Variants in RASSF3 observed in about 807,000 individuals in gnomAD.
RASSF3 encodes the protein ras association domain-containing protein 3.
In RASSF3, 19 loss-of-function variants were observed where a neutral mutation model predicts 19.9. The ratio of observed to expected loss-of-function variants is 0.96; its 90% CI spans 0.67 to 1.40. The LOEUF (loss-of-function observed/expected upper bound fraction) is 1.40. Among genes scored for constraint, RASSF3 ranks in the 40% most tolerant of loss-of-function variants. The probability of loss-of-function intolerance (pLI) is 0.00; values close to 1 mark genes in which losing one functional copy is unlikely to be tolerated. For missense variants in RASSF3, 306 were observed against 289.8 expected (o/e 1.06, Z -0.41); for synonymous variants, 110 against 104.2 (o/e 1.06, Z -0.34).
intron 1 of RASSF3, chr12:64,541,568 C>G: frequency 2.5e-6 from 1 of 398,576 alleles, no homozygotes; most frequent in Non-Finnish European, 4.4e-6. Context: ...ACCTAACGTG[C>G]TTTCTCTTTC....
chr12:64,628,995 C>T (rs548851412), intron 1 of RASSF3, among the ~76,000 whole-genome samples: 106 of 152,052 alleles, frequency 7.0e-4, no homozygotes, highest in African/African-American at 2.4e-3. Context: ...AGTGCAGTGG[C>T]GTGAACACAG....
intron 2 of RASSF3, among the ~76,000 whole-genome samples, chr12:64,558,770 C>T (rs529229546): frequency 1.3e-5 from 2 of 152,232 alleles, no homozygotes; most frequent in Admixed American, 6.5e-5. Context: ...CCTAGGGACC[C>T]GGCCACCCCT....
At position 64,685,921 on chromosome 12, in the gene RASSF3, G is replaced by A. The variant is rs190742089; in HGVS notation, c.219+1027G>A. On this transcript the variant is annotated intron_variant, in intron 2 of 4. Transcript: ENST00000542104. ...CAGTTTCCAGGGCACTTGGATCCCC[G>A]TCTCTCAGTCTGTTTACTGTGAACT... is the stretch of plus-strand genomic sequence containing the variant. Among the ~76,000 whole-genome samples the A allele has an allele frequency of 1.3e-3, 202 of 152,242 alleles. 1 individual carries two copies. Among genetic ancestry groups the A allele is most frequent in the African/African-American group, 4.1e-3 (171 of 41,554 alleles).
At chr12:64,585,668 A>G (rs1480916419) in intron 2 of RASSF3, among the ~76,000 whole-genome samples, 1 of 149,920 alleles carries the variant, frequency 6.7e-6, no homozygotes, top group Non-Finnish European at 1.5e-5. Flanking sequence ...GCAGTGGCAT[A>G]ATCACGGCTC....
At chr12:64,510,872 C>T (rs1262536009) in intron 1 of RASSF3, among the ~76,000 whole-genome samples, 1 of 152,142 alleles carries the variant, frequency 6.6e-6, no homozygotes, top group African/African-American at 2.4e-5. Context: ...CTGGGAAGAT[C>T]AAGGGACTTC....
At chr12:64,641,970 G>A (rs868656609) in intron 1 of RASSF3, among the ~76,000 whole-genome samples, 4 of 151,904 alleles carry the variant, frequency 2.6e-5, no homozygotes, top group East Asian at 2.0e-4. Flanking sequence ...TCGAACTCCC[G>A]ACCTCAGGTG....
Position 64,694,914 on chromosome 12 carries a change from G to A in RASSF3, c.*2G>A. Reference sequence around the variant, plus strand: ...CGTGAGGTGTGGAAGCCTGATTAAAGCGGGGCTCCCTGCCCGTGAGGCCCG... The same window carrying A: ...CGTGAGGTGTGGAAGCCTGATTAAAACGGGGCTCCCTGCCCGTGAGGCCCG... On this transcript the variant is annotated 3_prime_UTR_variant, in exon 5 of 5. Coordinates refer to ENST00000542104, the MANE Select transcript of RASSF3 (RefSeq NM_178169.4). 6.2e-7 allele frequency: 1 copy of A among 1,613,604 alleles called. No homozygotes were observed. The highest frequency in any genetic ancestry group is 1.7e-5 in the Admixed American group (1 of 59,988).
At chr12:64,538,154 A>G (rs1868869244) in intron 1 of RASSF3, among the ~76,000 whole-genome samples, 1 of 151,980 alleles carries the variant, frequency 6.6e-6, no homozygotes, top group South Asian at 2.1e-4. Flanking sequence ...ATGCTAAGCT[A>G]ATATTTTTCT....
At chr12:64,540,145 G>C (rs10506538) in intron 1 of RASSF3, among the ~76,000 whole-genome samples, 1 of 152,076 alleles carries the variant, frequency 6.6e-6, no homozygotes, top group Admixed American at 6.6e-5. Flanking sequence ...GCAGGCTAAT[G>C]GCTTCATTTT....
At chr12:64,674,894 T>A (rs898814111) in intron 1 of RASSF3, among the ~76,000 whole-genome samples, 2 of 152,100 alleles carry the variant, frequency 1.3e-5, no homozygotes, top group Admixed American at 6.6e-5. Context: ...CACTTCGGTT[T>A]TCTGTGTGCA....
Position 64,651,946 on chromosome 12 carries a change from C to T in RASSF3, c.112-32841C>T, listed in dbSNP as rs115063709. On this transcript the variant is annotated intron_variant, in intron 1 of 4. Transcript: ENST00000542104. ...AAAGTGCTGGGATAACAGACATGAG[C>T]CACCTCGCCCAGCTCCATTTAATGT... 4.7e-3 allele frequency among the ~76,000 whole-genome samples: 712 copies of T among 152,302 alleles called. 10 individuals carry two copies. The highest frequency in any genetic ancestry group is 0.016 in the African/African-American group (661 of 41,566).
intron 2 of RASSF3, among the ~76,000 whole-genome samples, chr12:64,604,934 AC>A (rs1050013688): frequency 1.4e-5 from 2 of 148,058 alleles, no homozygotes; most frequent in African/African-American, 5.0e-5. Context: ...CATGTAACCA[AC>A]TCCTATCATC....
chr12:64,649,679 G>A (rs183219125), intron 1 of RASSF3, among the ~76,000 whole-genome samples: 6 of 152,194 alleles, frequency 3.9e-5, no homozygotes, highest in African/African-American at 1.4e-4. Flanking sequence ...CAAATGTCTC[G>A]AAAAGATCTT....
intron 1 of RASSF3, among the ~76,000 whole-genome samples, chr12:64,638,374 A>C (rs369751873): frequency 6.6e-6 from 1 of 151,938 alleles, no homozygotes; most frequent in South Asian, 2.1e-4. Context: ...AGGTCAGGAG[A>C]TCGAGACCAT....
downstream of RASSF3, among the ~76,000 whole-genome samples, chr12:64,543,704 C>A (rs760278445): frequency 5.1e-4 from 78 of 151,458 alleles, no homozygotes; most frequent in Non-Finnish European, 5.3e-4. Context: ...CTGGGTGAAG[C>A]CTGCTGGGCT....
intron 1 of RASSF3, among the ~76,000 whole-genome samples, chr12:64,536,085 G>A (rs546510499): frequency 2.1e-5 from 3 of 142,428 alleles, no homozygotes; most frequent in African/African-American, 7.9e-5. Flanking sequence ...TGCAAGCTCC[G>A]CCTCCTGGGT....
At chr12:64,640,735 C>T (rs898059040) in intron 1 of RASSF3, among the ~76,000 whole-genome samples, 5 of 152,000 alleles carry the variant, frequency 3.3e-5, no homozygotes, top group Admixed American at 6.6e-5. Context: ...CTCAACCTCC[C>T]GGGCCCAAGT....
At chr12:64,581,538 G>A (rs752074331) in intron 2 of RASSF3, among the ~76,000 whole-genome samples, 13 of 152,220 alleles carry the variant, frequency 8.5e-5, no homozygotes, top group African/African-American at 2.4e-4. Context: ...GTGAAACCCC[G>A]TCTCTACAGA....
intron 1 of RASSF3, among the ~76,000 whole-genome samples, chr12:64,638,068 G>T (rs1307197413): frequency 1.3e-5 from 2 of 151,986 alleles, no homozygotes; most frequent in Non-Finnish European, 2.9e-5. Context: ...TTGACCTCGT[G>T]ATCTGCCCAC....
Sources: gnomAD v4.1 joint callset for allele counts (sites outside exome capture counted in the v4.1 genomes callset) on GRCh38, gnomAD v4.1.1 for gene constraint, MANE v1.5 for transcripts, NCBI Gene and HGNC (gene_info 2026-07-23, HGNC 2026-07-21) for gene names.